The following ANK2 variants were observed in gnomAD, a reference collection of about 807,000 sequenced individuals.
ANK2 encodes ankyrin 2.
ANK2 carries 83 observed loss-of-function variants against 360.5 expected under a neutral mutation model. The ratio of observed to expected loss-of-function variants is 0.23; its 90% CI spans 0.19 to 0.28. The LOEUF (loss-of-function observed/expected upper bound fraction) is 0.28. Among genes scored for constraint, ANK2 ranks in the 10% least tolerant of loss-of-function variants. The pLI, the probability that ANK2 is intolerant of heterozygous loss-of-function variation, is 1.00. For missense variants in ANK2, 4,201 were observed against 4,795.7 expected, an observed-to-expected ratio of 0.88 and a Z score of 3.66; for synonymous variants, 1,740 against 1,759.5, an observed-to-expected ratio of 0.99 and a Z score of 0.28.
chr4:113,086,626 G>A (rs1227739861), intron 1 of ANK2, among the ~76,000 whole-genome samples: 1 of 151,698 alleles, frequency 6.6e-6, no homozygotes, highest in Non-Finnish European at 1.5e-5. Flanking sequence ...GTGGCAAAAA[G>A]CAAGCAAGCA....
intron 4 of ANK2, among the ~76,000 whole-genome samples, chr4:113,211,437 C>T (rs1220013362): frequency 2.0e-5 from 3 of 152,132 alleles, no homozygotes; most frequent in Non-Finnish European, 4.4e-5. Flanking sequence ...TGGTGTTCTT[C>T]CTATTTCTTG....
At chr4:112,963,200 C>G (rs1021612926) in intron 2 of ANK2, among the ~76,000 whole-genome samples, 1 of 152,080 alleles carries the variant, frequency 6.6e-6, no homozygotes, top group Non-Finnish European at 1.5e-5. Context: ...ATAATTCTTT[C>G]TCTTTCAAAG....
At chr4:112,826,476 C>T in intron 1 of ANK2, 1 of 1,116,464 alleles carries the variant, frequency 9.0e-7, no homozygotes, top group Non-Finnish European at 1.3e-6. Flanking sequence ...ATCTGTGAAA[C>T]CTTTTGTTAC....
intron 2 of ANK2, among the ~76,000 whole-genome samples, chr4:112,923,958 G>A (rs1056421995): frequency 9.9e-5 from 15 of 152,058 alleles, no homozygotes; most frequent in African/African-American, 3.6e-4. Context: ...AATTCTATAA[G>A]TCTCAGTGTA....
chr4:113,252,953 C>T (rs1228381241), intron 10 of ANK2, among the ~76,000 whole-genome samples: 1 of 152,182 alleles, frequency 6.6e-6, no homozygotes, highest in Non-Finnish European at 1.5e-5. Context: ...ACTCTCGATC[C>T]CTGCTATCTG....
the ANK2 span, among the ~76,000 whole-genome samples, chr4:112,775,875 C>G: frequency 6.6e-6 from 1 of 152,180 alleles, no homozygotes. Context: ...TGGTTTTCCA[C>G]ACTTTCGCAT....
At chr4:113,333,376 T>A (rs2153945914) in intron 29 of ANK2, among the ~76,000 whole-genome samples, 168 bp downstream of exon 29, 1 of 152,122 alleles carries the variant, frequency 6.6e-6, no homozygotes, top group African/African-American at 2.4e-5. Flanking sequence ...TTTGCTCCTG[T>A]AGTGATGAGT....
At chr4:113,341,338 C>G (rs2094275981) in intron 32 of ANK2, among the ~76,000 whole-genome samples, 1 of 152,188 alleles carries the variant, frequency 6.6e-6, no homozygotes, top group South Asian at 2.1e-4. Context: ...CTATTGAGTT[C>G]ACTCCACTAA....
At chr4:112,900,534 C>G (rs561373919) in intron 1 of ANK2, among the ~76,000 whole-genome samples, 58 of 152,070 alleles carry the variant, frequency 3.8e-4, no homozygotes, top group African/African-American at 1.3e-3. Flanking sequence ...CTTCAAAAGC[C>G]GGGGAAAGGG....
chr4:113,016,515 C>T (rs897464146), intron 2 of ANK2, among the ~76,000 whole-genome samples: 12 of 152,160 alleles, frequency 7.9e-5, no homozygotes, highest in Admixed American at 2.0e-4. Context: ...ATGCTCTTCT[C>T]TAGGTCTCAC....
intron 1 of ANK2, among the ~76,000 whole-genome samples, chr4:112,881,026 G>T (rs543776448): frequency 6.6e-6 from 1 of 152,254 alleles, no homozygotes; most frequent in South Asian, 2.1e-4. Context: ...GCTTAATATT[G>T]TAGTCTAAAC....
At chr4:112,706,080 G>GAGGAGACCGAGGAGACGC in the ANK2 span, among the ~76,000 whole-genome samples, 1 of 151,032 alleles carries the variant, frequency 6.6e-6, no homozygotes, top group Non-Finnish European at 1.5e-5. Context: ...GCCCGACGCG[G>GAGGAGACCGAGGAGACGC]AGGAGACCGA....
intron 1 of ANK2, among the ~76,000 whole-genome samples, chr4:112,898,979 A>G (rs904007668): frequency 6.6e-6 from 1 of 152,128 alleles, no homozygotes; most frequent in Non-Finnish European, 1.5e-5. Flanking sequence ...AGAAATGACC[A>G]CCGAGGAGGG....
intron 2 of ANK2, among the ~76,000 whole-genome samples, chr4:113,037,256 GT>G (rs1241397916): frequency 1.3e-5 from 2 of 151,928 alleles, no homozygotes; most frequent in Non-Finnish European, 2.9e-5. Context: ...AATTGGAAAT[GT>G]TGTAAATCAA....
In ANK2 at chr4:113,287,711, A is replaced by G; in HGVS notation, c.2178+8A>G. ...CAGGATGCTCATACAAAGGTAAAGC[A>G]AATCACTCTCAGTATTGTGACAGGT... is the stretch of plus-strand genomic sequence containing the variant. On this transcript the variant is annotated splice_region_variant and intron_variant, in intron 19 of 45. Coordinates refer to ENST00000357077, the MANE Select transcript of ANK2 (RefSeq NM_001148.6). 6.3e-7 allele frequency: 1 copy of G among 1,595,374 alleles called. No individual in the cohort carries two copies. Among genetic ancestry groups the G allele is most frequent in the South Asian group, 1.1e-5 (1 of 90,674 alleles).
intron 1 of ANK2, among the ~76,000 whole-genome samples, chr4:113,079,480 G>C (rs1347043902): frequency 1.3e-5 from 2 of 152,038 alleles, no homozygotes; most frequent in Admixed American, 1.3e-4. Context: ...GCACTTACTT[G>C]TTTTCATGTT....
chr4:112,796,693 A>G, the ANK2 span, among the ~76,000 whole-genome samples: 882 of 150,938 alleles, frequency 5.8e-3, 4 homozygotes, highest in African/African-American at 0.02. Flanking sequence ...TAAAATAAAA[A>G]CTTTATTTCA....
At chr4:112,707,691 A>G in the ANK2 span, among the ~76,000 whole-genome samples, 27 of 152,352 alleles carry the variant, frequency 1.8e-4, no homozygotes, top group African/African-American at 6.5e-4. Context: ...ACATTGAGGA[A>G]GTAAAATTTG....
At chr4:113,210,498 C>A (rs2099009093) in intron 4 of ANK2, among the ~76,000 whole-genome samples, 1 of 152,132 alleles carries the variant, frequency 6.6e-6, no homozygotes, top group African/African-American at 2.4e-5. Context: ...TGATTTAAAC[C>A]TGGACTGTCT....
Sources: gnomAD v4.1 joint callset for allele counts (sites outside exome capture counted in the v4.1 genomes callset) on GRCh38, gnomAD v4.1.1 for gene constraint, MANE v1.5 for transcripts, NCBI Gene and HGNC (gene_info 2026-07-23, HGNC 2026-07-21) for gene names.